GOT1: variants seen among roughly 807,000 people sequenced by gnomAD.
GOT1 encodes the protein glutamic-oxaloacetic transaminase 1.
A neutral mutation model predicts 48.2 loss-of-function variants in GOT1; 25 were observed. That is an observed-to-expected ratio of 0.52 (90% CI 0.38 to 0.72). GOT1 has a LOEUF of 0.72. Among genes scored for constraint, GOT1 ranks in the 30% least tolerant of loss-of-function variants. The probability of loss-of-function intolerance (pLI) is 0.00; values close to 1 mark genes in which losing one functional copy is unlikely to be tolerated. For missense variants in GOT1, 380 were observed against 520.1 expected (o/e 0.73, Z 2.62); for synonymous variants, 188 against 193.8 (o/e 0.97, Z 0.25).
chr10:99,416,548 C>T (rs1045563589), intron 2 of GOT1, among the ~76,000 whole-genome samples: 3 of 152,210 alleles, frequency 2.0e-5, no homozygotes, highest in African/African-American at 7.2e-5. Flanking sequence ...ATGCCATCCC[C>T]ATCAACCTAC....
At chr10:99,405,214 T>C (rs2032739021) in intron 5 of GOT1, among the ~76,000 whole-genome samples, 1 of 152,184 alleles carries the variant, frequency 6.6e-6, no homozygotes, top group African/African-American at 2.4e-5. Flanking sequence ...TAAGGAAGAA[T>C]ATACACACTT....
At chr10:99,422,732 C>T (rs1278224497) in intron 1 of GOT1, among the ~76,000 whole-genome samples, 1 of 152,144 alleles carries the variant, frequency 6.6e-6, no homozygotes, top group Admixed American at 6.5e-5. Flanking sequence ...TTACATATGC[C>T]CTTTTAAACA....
chr10:99,415,125 A>C (rs1234605910), intron 2 of GOT1, among the ~76,000 whole-genome samples: 1 of 152,186 alleles, frequency 6.6e-6, no homozygotes, highest in African/African-American at 2.4e-5. Flanking sequence ...GACACAAAAA[A>C]CCCTTCAAAA....
intron 8 of GOT1, among the ~76,000 whole-genome samples, chr10:99,400,630 G>A (rs2032662011): frequency 6.6e-6 from 1 of 150,922 alleles, no homozygotes; most frequent in Non-Finnish European, 1.5e-5. Flanking sequence ...GAGCGAGACC[G>A]TGTCTGAAAC....
At chr10:99,409,592 C>T (rs1398376924) in intron 2 of GOT1, among the ~76,000 whole-genome samples, 1 of 152,096 alleles carries the variant, frequency 6.6e-6, no homozygotes, top group Non-Finnish European at 1.5e-5. Flanking sequence ...CATTAATGAA[C>T]AATATTAATC....
At chr10:99,421,272 A>C (rs2032962354) in intron 1 of GOT1, among the ~76,000 whole-genome samples, 1 of 152,202 alleles carries the variant, frequency 6.6e-6, no homozygotes, top group Non-Finnish European at 1.5e-5. Context: ...CTTCCACATG[A>C]ACCTGGCACC....
intron 1 of GOT1, among the ~76,000 whole-genome samples, chr10:99,423,735 AC>A (rs1394263113): frequency 6.6e-6 from 1 of 152,046 alleles, no homozygotes; most frequent in Non-Finnish European, 1.5e-5. Context: ...TGCAGCTTCA[AC>A]CCCCTGGGCT....
chr10:99,417,266 G>A (rs1242625040), intron 2 of GOT1, among the ~76,000 whole-genome samples: 17 of 152,076 alleles, frequency 1.1e-4, no homozygotes, highest in East Asian at 1.9e-4. Flanking sequence ...ACAAGTGGGC[G>A]AAGGATATGA....
intron 2 of GOT1, among the ~76,000 whole-genome samples, chr10:99,412,514 G>A (rs1465352777): frequency 6.6e-6 from 1 of 151,704 alleles, no homozygotes; most frequent in East Asian, 2.0e-4. Flanking sequence ...CTTCCAAGCA[G>A]AAGAAAGGCT....
intron 1 of GOT1, among the ~76,000 whole-genome samples, chr10:99,429,026 A>G (rs911318437): frequency 6.7e-6 from 1 of 149,738 alleles, no homozygotes; most frequent in Non-Finnish European, 1.5e-5. Context: ...ATTTTTCCTT[A>G]CCCCTCCCCA....
intron 1 of GOT1, among the ~76,000 whole-genome samples, chr10:99,424,299 G>A (rs915771471): frequency 1.3e-5 from 2 of 152,172 alleles, no homozygotes; most frequent in Admixed American, 1.3e-4. Context: ...AAGAGTGAGT[G>A]AATAAGCTGG....
chr10:99,422,010 C>T (rs546918607), intron 1 of GOT1, among the ~76,000 whole-genome samples: 20 of 152,158 alleles, frequency 1.3e-4, no homozygotes, highest in East Asian at 7.7e-4. Flanking sequence ...TGTGAGAAGG[C>T]GATGAGATTT....
Position 99,402,809 on chromosome 10 carries a change from C to T in GOT1, c.960-87G>A, listed in dbSNP as rs956583176. 5.9e-5 allele frequency: 65 copies of T among 1,109,654 alleles called. 1 individual carries two copies. The highest frequency in any genetic ancestry group is 4.7e-4 in the Admixed American group (26 of 54,882). The allele number at this position is 1,109,654 out of a possible 1,614,324, so 68.7% of individuals were successfully genotyped here. On this transcript the variant is annotated intron_variant, in intron 7 of 8. Transcript: ENST00000370508. ...ACAGGTTTAAAAACTCTAATTTAAACGACAGCTGACAATGGGATCATAACC... is the reference window on the plus strand; with the variant it reads ...ACAGGTTTAAAAACTCTAATTTAAATGACAGCTGACAATGGGATCATAACC...
chr10:99,418,494 C>CTTTTTT (rs11394746), intron 2 of GOT1, among the ~76,000 whole-genome samples: 180 of 140,232 alleles, frequency 1.3e-3, no homozygotes, highest in Non-Finnish European at 1.6e-3. Flanking sequence ...TCCCCACTTT[C>CTTTTTT]TTTTTTTTTT....
chr10:99,407,399 T>C (rs1250353347), intron 2 of GOT1, among the ~76,000 whole-genome samples: 1 of 152,128 alleles, frequency 6.6e-6, no homozygotes, highest in Non-Finnish European at 1.5e-5. Context: ...AGGTGATGCA[T>C]GAGTACTACT....
At chr10:99,401,128 G>A (rs1219352982) in intron 8 of GOT1, among the ~76,000 whole-genome samples, 2 of 152,130 alleles carry the variant, frequency 1.3e-5, no homozygotes, top group African/African-American at 4.8e-5. Context: ...ATTTTACAGG[G>A]AGACATTCCC....
chr10:99,402,486 G>C lies in GOT1; in HGVS notation c.1102+94C>G, dbSNP rs1201030481. The C allele has an allele frequency of 4.4e-6, 6 of 1,355,612 alleles. No individual in the cohort carries two copies. The East Asian group carries it at 9.2e-5, about 21-fold the overall frequency. 84.0% of individuals were successfully genotyped at this position (1,355,612 alleles called of 1,614,324 possible). A position where few individuals can be genotyped will look rare whatever the true frequency, so the allele number is the denominator to read the frequency against. ...GCAATGGCTGCCCAATTAGGCAAAGGCTGTGAAAGTGAGCTCAGCTCAAGG... is the reference window on the plus strand; with the variant it reads ...GCAATGGCTGCCCAATTAGGCAAAGCCTGTGAAAGTGAGCTCAGCTCAAGG... On this transcript the variant is annotated intron_variant, in intron 8 of 8. Coordinates refer to ENST00000370508, the MANE Select transcript of GOT1 (RefSeq NM_002079.3).
intron 1 of GOT1, among the ~76,000 whole-genome samples, chr10:99,428,380 C>T (rs890033124): frequency 6.6e-5 from 10 of 151,034 alleles, no homozygotes; most frequent in Admixed American, 1.3e-4. Context: ...TTTCTTGAGA[C>T]GGAGTCTCAC....
At chr10:99,426,045 G>A (rs1303984210) in intron 1 of GOT1, among the ~76,000 whole-genome samples, 2 of 152,188 alleles carry the variant, frequency 1.3e-5, no homozygotes, top group African/African-American at 4.8e-5. Context: ...GGCTGCTGCA[G>A]CCAGAAAAGT....
Sources: allele counts gnomAD v4.1 joint callset (sites outside exome capture counted in the v4.1 genomes callset), GRCh38; gene constraint gnomAD v4.1.1; transcripts MANE v1.5; gene names NCBI Gene and HGNC (gene_info 2026-07-23, HGNC 2026-07-21).